The following KLC2 variants were observed in gnomAD, a reference collection of about 807,000 sequenced individuals.
KLC2 encodes the protein kinesin light chain 2.
In KLC2, 35 loss-of-function variants were observed where a neutral mutation model predicts 75.1. The ratio of observed to expected loss-of-function variants is 0.47; its 90% CI spans 0.36 to 0.62. KLC2 has a LOEUF of 0.62. Among genes scored for constraint, KLC2 ranks in the 20% least tolerant of loss-of-function variants. KLC2 has a pLI of 0.00. For missense variants in KLC2, 611 were observed against 833.2 expected, an observed-to-expected ratio of 0.73 and a Z score of 3.28; for synonymous variants, 314 against 336.7, an observed-to-expected ratio of 0.93 and a Z score of 0.74.
intron 2 of KLC2, 105 bp from the exon 3 acceptor site, chr11:66,261,637 C>G (rs1856427442): frequency 1.5e-6 from 1 of 674,852 alleles, no homozygotes; most frequent in Admixed American, 2.7e-5. Flanking sequence ...ACTGTAGGGC[C>G]AGGCCTGGCC....
At chr11:66,246,477 T>G in the KLC2 span, among the ~76,000 whole-genome samples, 1 of 152,294 alleles carries the variant, frequency 6.6e-6, no homozygotes, top group African/African-American at 2.4e-5. Context: ...GCTCCCATCC[T>G]CGGGGCCCAT....
rs759124240 is a variant in KLC2 at position 66,262,988 on chromosome 11, A to G, written c.704A>G (p.Asp235Gly). The G allele has an allele frequency of 1.9e-6, 3 of 1,613,928 alleles. No individual in the cohort carries two copies. Reference sequence around the variant, plus strand: ...GACCTGGAGAAGACGTCAGGCCACGACCACCCTGACGTTGCCACCATGCTG... The same window carrying G: ...GACCTGGAGAAGACGTCAGGCCACGGCCACCCTGACGTTGCCACCATGCTG... Reference protein sequence around the residue: ...LEDLEKTSGHDHPDVATMLNI... With the variant: ...LEDLEKTSGHGHPDVATMLNI... Residue 235 changes from aspartate to glycine, a missense_variant, in exon 5 of 16, where the codon GAC becomes GGC. Asp to Gly is a moderately conservative substitution (Grantham distance 94). Transcript: ENST00000394067.
intron 11 of KLC2, 28 bp downstream of exon 11, chr11:66,265,263 G>GCCCGCCCTGCCGTGCCCTGCTCCC: frequency 6.4e-7 from 1 of 1,565,568 alleles, no homozygotes; most frequent in Non-Finnish European, 8.8e-7. Flanking sequence ...GGGCTGGGGA[G>GCCCGCCCTGCCGTGCCCTGCTCCC]CAGGGCACGG....
intron 2 of KLC2, chr11:66,261,411 C>G: frequency 4.2e-6 from 1 of 236,074 alleles, no homozygotes; most frequent in Non-Finnish European, 8.3e-6. Context: ...GCTGTGGCAG[C>G]AGAGGCTTGA....
At position 66,263,727 on chromosome 11, in the gene KLC2, C is replaced by G. The variant is rs915837358; in HGVS notation, c.820C>G (p.Leu274Val). The change falls in exon 6 of 16, where the codon CTG becomes GTG. Residue 274 changes from leucine to valine, a missense_variant. Leu to Val is a conservative substitution (Grantham distance 32, BLOSUM62 1). Coordinates refer to ENST00000394067, the MANE Select transcript of KLC2 (RefSeq NM_001318734.2). Reference protein sequence around the residue: ...NDALAIREKTLGKDHPAVAAT... With the variant: ...NDALAIREKTVGKDHPAVAAT... ...TGCTCTGGCCATCCGGGAGAAAACACTGGGCAAGGACCACCCAGCCGTGAG... is the reference window on the plus strand; with the variant it reads ...TGCTCTGGCCATCCGGGAGAAAACAGTGGGCAAGGACCACCCAGCCGTGAG... 3 of 1,613,770 alleles carry G rather than the reference C, an allele frequency of 1.9e-6. No individual in the cohort carries two copies. Among genetic ancestry groups the G allele is most frequent in the Non-Finnish European group, 2.5e-6 (3 of 1,179,810 alleles).
upstream of KLC2, among the ~76,000 whole-genome samples, chr11:66,256,588 G>GA (rs1002769100): frequency 1.2e-4 from 18 of 151,722 alleles, no homozygotes; most frequent in Non-Finnish European, 2.5e-4. Flanking sequence ...ATCTCAAAAA[G>GA]AAAAAAAGGA....
intron 1 of KLC2, 166 bp from the exon 2 acceptor site, chr11:66,258,418 C>G: frequency 1.7e-6 from 1 of 596,874 alleles, no homozygotes; most frequent in Non-Finnish European, 3.0e-6. Context: ...ACAAGCTAGG[C>G]GCGCCCTCTG....
intron 2 of KLC2, chr11:66,261,422 G>C (rs1228917065): frequency 7.5e-6 from 2 of 267,904 alleles, no homozygotes; most frequent in Non-Finnish European, 1.4e-5. Flanking sequence ...AGAGGCTTGA[G>C]TACAACCCAG....
At chr11:66,259,732 G>A (rs1856255888) in intron 2 of KLC2, 1 of 152,260 alleles carries the variant, frequency 6.6e-6, no homozygotes, top group Admixed American at 6.5e-5. Context: ...GAGTGGTTAG[G>A]AAGCCACTGC....
upstream of KLC2, among the ~76,000 whole-genome samples, chr11:66,253,615 C>G (rs1031704721): frequency 8.5e-5 from 13 of 152,212 alleles, no homozygotes; most frequent in Admixed American, 3.9e-4. Flanking sequence ...GGCATGAGAT[C>G]AGCAGCTGCT....
upstream of KLC2, among the ~76,000 whole-genome samples, chr11:66,257,071 C>G (rs1856067209): frequency 6.6e-6 from 1 of 152,230 alleles, no homozygotes; most frequent in Non-Finnish European, 1.5e-5. Context: ...GAGCAGCCTT[C>G]TTTCTGAAGA....
Position 66,267,086 on chromosome 11 carries a change from G to T in KLC2, c.*130G>T. 6.5e-7 allele frequency: 1 copy of T among 1,541,024 alleles called. No homozygotes were observed. Among genetic ancestry groups the T allele is most frequent in the Non-Finnish European group, 8.8e-7 (1 of 1,141,948 alleles). ...CCTGTCTTTTCTGTTCAATCTCAGG[G>T]TAACCTTCTCCCTTGTCATCTCAGC... On this transcript the variant is annotated 3_prime_UTR_variant, in exon 16 of 16. Transcript: ENST00000394067.
rs371335023 is a variant in KLC2, at chr11:66,263,698, A to G, written c.791A>G (p.Asn264Ser). 2.8e-5 allele frequency: 45 copies of G among 1,613,942 alleles called. No homozygotes were observed. Among genetic ancestry groups the G allele is most frequent in the African/African-American group, 5.3e-5 (4 of 74,896 alleles). The change falls in exon 6 of 16, where the codon AAT becomes AGT. Residue 264 changes from asparagine (N) to serine (S), a missense_variant. Physicochemically the swap from Asn to Ser is conservative, Grantham distance 46. Transcript: ENST00000394067. ...TACAAGGAGGCTGCCCACCTGCTCA[A>G]TGATGCTCTGGCCATCCGGGAGAAA... ...NKYKEAAHLL[N>S]DALAIREKTL...
intron 1 of KLC2, 52 bp downstream of exon 1, chr11:66,257,923 G>A (rs915111181): frequency 3.3e-5 from 5 of 152,694 alleles, no homozygotes; most frequent in Admixed American, 3.3e-4. Flanking sequence ...TAAAGCGGGG[G>A]AGGAGACTCC....
chr11:66,263,547 C>G (rs545290467), intron 5 of KLC2, 113 bp from the exon 6 acceptor site: 1 of 713,242 alleles, frequency 1.4e-6, no homozygotes, highest in South Asian at 1.8e-5. Flanking sequence ...CACTCTGGGT[C>G]TCACTCTGTC....
At position 66,264,096 on chromosome 11, in the gene KLC2, C is replaced by A; in HGVS notation, c.993C>A (p.Ala331=). 6.2e-7 allele frequency: 1 copy of A among 1,605,274 alleles called. No individual in the cohort carries two copies. Among genetic ancestry groups the A allele is most frequent in the East Asian group, 2.2e-5 (1 of 44,488 alleles). Residue 331 remains alanine, a synonymous_variant, in exon 8 of 16, where the codon GCC becomes GCA. Transcript: ENST00000394067. ...TGGCCAAGCAGCTCAGCAACCTGGC[C>A]CTGCTGTGCCAGAACCAGGGCAAAG... The part of the protein sequence containing the change: ...PDVAKQLSNL[A]LLCQNQGKAE...
At chr11:66,263,065 C>A in intron 5 of KLC2, 29 bp downstream of exon 5, 1 of 1,542,530 alleles carries the variant, frequency 6.5e-7, no homozygotes, top group African/African-American at 1.4e-5. Context: ...TGCCCAAATT[C>A]TTCTGGAAGG....
the KLC2 span, among the ~76,000 whole-genome samples, chr11:66,249,258 C>T: frequency 2.0e-5 from 3 of 152,284 alleles, no homozygotes; most frequent in East Asian, 5.8e-4. Context: ...GGGCACATGC[C>T]GTCAACATGA....
At chr11:66,255,927 A>G (rs764316000), upstream of KLC2, among the ~76,000 whole-genome samples, 16 of 152,068 alleles carry the variant, frequency 1.1e-4, no homozygotes, top group Non-Finnish European at 1.8e-4. Context: ...CACCACGCAC[A>G]GCTAATTTTT....
Sources: gnomAD v4.1 joint callset for allele counts (sites outside exome capture counted in the v4.1 genomes callset) on GRCh38, gnomAD v4.1.1 for gene constraint, MANE v1.5 for transcripts, NCBI Gene and HGNC (gene_info 2026-07-23, HGNC 2026-07-21) for gene names.